Variants in HOMER2 observed in about 807,000 individuals in gnomAD.
HOMER2 encodes homer scaffold protein 2.
A neutral mutation model predicts 47.0 loss-of-function variants in HOMER2; 27 were observed. That is an observed-to-expected ratio of 0.57 (90% CI 0.42 to 0.79). The LOEUF (loss-of-function observed/expected upper bound fraction) is 0.79, where lower values mean the gene tolerates loss of function less well. Among genes scored for constraint, HOMER2 ranks in the 30% least tolerant of loss-of-function variants. The probability of loss-of-function intolerance (pLI) is 0.00; values close to 1 mark genes in which losing one functional copy is unlikely to be tolerated. For missense variants in HOMER2, 443 were observed against 435.0 expected, an observed-to-expected ratio of 1.02 and a Z score of -0.16; for synonymous variants, 161 against 163.8, an observed-to-expected ratio of 0.98 and a Z score of 0.13.
intron 1 of HOMER2, among the ~76,000 whole-genome samples, chr15:82,897,952 GCTATGTA>G (rs2052988887): frequency 6.6e-6 from 1 of 152,244 alleles, no homozygotes; most frequent in African/African-American, 2.4e-5. Flanking sequence ...GGTTTAAGAT[GCTATGTA>G]TGTGACAGTT....
At chr15:82,927,970 T>C (rs1294461021) in intron 1 of HOMER2, among the ~76,000 whole-genome samples, 1 of 125,924 alleles carries the variant, frequency 7.9e-6, no homozygotes, top group Non-Finnish European at 1.6e-5. Flanking sequence ...AAAAACTCCG[T>C]CTCAAAAAAA....
chr15:82,858,357 T>G (rs935174795), intron 5 of HOMER2, among the ~76,000 whole-genome samples: 2 of 152,050 alleles, frequency 1.3e-5, no homozygotes, highest in African/African-American at 2.4e-5. Context: ...TGGTGCAATC[T>G]CAGCTCACTG....
intron 1 of HOMER2, among the ~76,000 whole-genome samples, chr15:82,923,837 G>A (rs577890141): frequency 2.6e-5 from 4 of 152,268 alleles, no homozygotes; most frequent in African/African-American, 9.6e-5. Flanking sequence ...TTCCCCAGTC[G>A]GTTGTACAAG....
chr15:82,979,283 AAG>A lies in HOMER2; in HGVS notation n.82+6502_82+6503del, dbSNP rs1300686656. 4.6e-5 allele frequency among the ~76,000 whole-genome samples: 7 copies of A among 152,216 alleles called. No homozygotes were observed. In the South Asian group the frequency reaches 1.2e-3, roughly 27 times the overall value. ...TGGCAAGAGATGAGACTGGACCGAT[AAG>A]ACAGAGTTGAATCTCGATCAGCTGC... On this transcript the variant is annotated intron_variant and non_coding_transcript_variant, in intron 1 of 1. Coordinates refer to the HOMER2 transcript ENST00000500334.
chr15:82,941,442 CAAAAA>C (rs10602958), intron 1 of HOMER2, among the ~76,000 whole-genome samples: 1 of 74,466 alleles, frequency 1.3e-5, no homozygotes. Context: ...GAGTCTGTCT[CAAAAA>C]AAAAAAAAAA....
intron 1 of HOMER2, among the ~76,000 whole-genome samples, chr15:82,962,483 C>T (rs955688075): frequency 6.6e-6 from 1 of 151,894 alleles, no homozygotes; most frequent in Non-Finnish European, 1.5e-5. Context: ...TTGAGACCAG[C>T]CTGACCAACA....
chr15:82,870,441 C>T (rs1333399530), intron 3 of HOMER2, among the ~76,000 whole-genome samples: 1 of 152,076 alleles, frequency 6.6e-6, no homozygotes, highest in African/African-American at 2.4e-5. Context: ...GCCATCTTAT[C>T]ACCACAAAGG....
At chr15:82,911,171 T>C (rs2053442684) in intron 1 of HOMER2, among the ~76,000 whole-genome samples, 2 of 152,202 alleles carry the variant, frequency 1.3e-5, no homozygotes, top group South Asian at 2.1e-4. Flanking sequence ...TAGCTCTCTC[T>C]CCCTATTACC....
In HOMER2 at chr15:82,977,943, A is replaced by C. The variant is rs2030262571; in HGVS notation, n.82+7844T>G. Among the ~76,000 whole-genome samples, 4 of 152,186 alleles carry C rather than the reference A, an allele frequency of 2.6e-5. No homozygotes were observed. In the South Asian group the frequency reaches 8.3e-4, roughly 32 times the overall value. On this transcript the variant is annotated intron_variant and non_coding_transcript_variant, in intron 1 of 1. Transcript: ENST00000500334. The stretch of plus-strand genomic sequence containing the variant: ...AGGTGGATCCTGACTTGAGGTCAGG[A>C]TTTCAAGACCAGCCTGGCAAACATG...
At chr15:82,949,872 C>T (rs1054611483) in intron 1 of HOMER2, among the ~76,000 whole-genome samples, 2 of 152,130 alleles carry the variant, frequency 1.3e-5, no homozygotes, top group African/African-American at 4.8e-5. Flanking sequence ...CAGAACATTT[C>T]CAGCAGTGCA....
upstream of HOMER2, among the ~76,000 whole-genome samples, chr15:82,954,854 C>T (rs541981043): frequency 1.5e-4 from 23 of 152,058 alleles, no homozygotes; most frequent in South Asian, 4.4e-3. Flanking sequence ...TCTCAGGGCA[C>T]CACAACCTCC....
rs144689248 is a variant in HOMER2 at position 82,922,878 on chromosome 15, G to C, written c.5+29653C>G. On this transcript the variant is annotated intron_variant, in intron 1 of 8. Coordinates refer to ENST00000450735, the MANE Select transcript of HOMER2 (RefSeq NM_004839.4). ...ACCCCATACCTGTGCTTTCCGAGGAGCTGTGCCTTCCTCCAGAATGCCCCC... is the reference window on the plus strand; with the variant it reads ...ACCCCATACCTGTGCTTTCCGAGGACCTGTGCCTTCCTCCAGAATGCCCCC... Among the ~76,000 whole-genome samples the C allele has an allele frequency of 8.8e-4, 134 of 152,246 alleles. 3 individuals carry two copies. In the East Asian group the frequency reaches 0.022, roughly 25 times the overall value.
At chr15:82,974,924 G>A (rs1596389486) in intron 1 of HOMER2, among the ~76,000 whole-genome samples, 1 of 152,166 alleles carries the variant, frequency 6.6e-6, no homozygotes, top group South Asian at 2.1e-4. Context: ...ACAAAAATTA[G>A]CTGGGCGTGG....
chr15:82,862,052 AAAATAG>A (rs2051809069), intron 4 of HOMER2, among the ~76,000 whole-genome samples: 1 of 149,382 alleles, frequency 6.7e-6, no homozygotes. Flanking sequence ...AACAAAAACA[AAAATAG>A]TCTTTCTCTC....
chr15:82,863,689 T>G (rs1291258483), intron 4 of HOMER2, among the ~76,000 whole-genome samples: 2 of 152,240 alleles, frequency 1.3e-5, no homozygotes, highest in African/African-American at 4.8e-5. Flanking sequence ...CTTCACACTT[T>G]AGACAGACTA....
intron 3 of HOMER2, among the ~76,000 whole-genome samples, chr15:82,866,093 CACAG>C (rs1251419677): frequency 6.6e-6 from 1 of 152,152 alleles, no homozygotes; most frequent in Non-Finnish European, 1.5e-5. Flanking sequence ...TGGGTAAAGC[CACAG>C]ACATTCAATG....
chr15:82,891,751 T>C (rs2052715077), intron 2 of HOMER2, among the ~76,000 whole-genome samples: 1 of 152,116 alleles, frequency 6.6e-6, no homozygotes, highest in Non-Finnish European at 1.5e-5. Context: ...GTTATGGTCT[T>C]AAAAGAGCAG....
chr15:82,853,883 A>T (rs1300700096), intron 6 of HOMER2, among the ~76,000 whole-genome samples: 1 of 152,180 alleles, frequency 6.6e-6, no homozygotes, highest in African/African-American at 2.4e-5. Flanking sequence ...TCTCAACTCC[A>T]AATTTACATG....
chr15:82,952,136 T>G (rs2054519041), intron 1 of HOMER2: 1 of 742,622 alleles, frequency 1.3e-6, no homozygotes, highest in Non-Finnish European at 1.6e-6. Context: ...ATTTTGCTTG[T>G]AATAAATCCA....
Sources: gnomAD v4.1 joint callset for allele counts (sites outside exome capture counted in the v4.1 genomes callset) on GRCh38, gnomAD v4.1.1 for gene constraint, MANE v1.5 for transcripts, NCBI Gene and HGNC (gene_info 2026-07-23, HGNC 2026-07-21) for gene names.